The following FHIT variants were observed in gnomAD, a reference collection of about 807,000 sequenced individuals.
FHIT encodes fragile histidine triad diadenosine triphosphatase.
In FHIT, 19 loss-of-function variants were observed where a neutral mutation model predicts 17.9. The observed-to-expected ratio is 1.06, with a 90% confidence interval of 0.74 to 1.56. The LOEUF is 1.56. Among genes scored for constraint, FHIT ranks in the 40% most tolerant of loss-of-function variants. The pLI, the probability that FHIT is intolerant of heterozygous loss-of-function variation, is 0.00. For synonymous variants in FHIT, 81 were observed against 69.7 expected, an observed-to-expected ratio of 1.16 and a Z score of -0.81; for missense variants, 248 against 189.2, an observed-to-expected ratio of 1.31 and a Z score of -1.82.
rs75532590 is a variant in FHIT, at chr3:59,920,556, C to T, written c.348+1790G>A. Among the ~76,000 whole-genome samples the T allele has an allele frequency of 5.9e-3, 903 of 152,298 alleles. 5 individuals are homozygous for T. Among genetic ancestry groups the T allele is most frequent in the African/African-American group, 0.021 (861 of 41,556 alleles). On this transcript the variant is annotated intron_variant, in intron 8 of 9. Transcript: ENST00000492590. The stretch of plus-strand genomic sequence containing the variant: ...GGGCTGAAAAGTAACCATGCAGCTT[C>T]ATTTTAAGCACAGTTGGAACATCGA...
chr3:60,148,704 G>C (rs1296035164), intron 5 of FHIT, among the ~76,000 whole-genome samples: 1 of 152,100 alleles, frequency 6.6e-6, no homozygotes, highest in Non-Finnish European at 1.5e-5. Flanking sequence ...TAAGATAAAA[G>C]AATGTCTCTT....
At chr3:60,138,188 C>G (rs138955978) in intron 5 of FHIT, among the ~76,000 whole-genome samples, 1 of 152,016 alleles carries the variant, frequency 6.6e-6, no homozygotes, top group East Asian at 1.9e-4. Flanking sequence ...CTTAACATGA[C>G]GCAAAGGAAG....
At chr3:60,689,120 AG>A (rs2040928527) in intron 4 of FHIT, among the ~76,000 whole-genome samples, 1 of 152,272 alleles carries the variant, frequency 6.6e-6, no homozygotes, top group East Asian at 1.9e-4. Context: ...TAAAAACAGG[AG>A]TTTCCCTGCA....
At chr3:60,207,638 C>A (rs535607988) in intron 5 of FHIT, among the ~76,000 whole-genome samples, 1 of 152,260 alleles carries the variant, frequency 6.6e-6, no homozygotes, top group East Asian at 1.9e-4. Context: ...TATGTGACTA[C>A]CGTGACACTC....
chr3:61,102,226 T>C (rs1214700241), intron 2 of FHIT, among the ~76,000 whole-genome samples: 2 of 152,184 alleles, frequency 1.3e-5, no homozygotes, highest in African/African-American at 4.8e-5. Flanking sequence ...TGAGATACGT[T>C]CCATTAATAC....
At chr3:59,924,754 G>A (rs1007187626) in intron 7 of FHIT, among the ~76,000 whole-genome samples, 1 of 152,208 alleles carries the variant, frequency 6.6e-6, no homozygotes, top group Non-Finnish European at 1.5e-5. Context: ...TGTGAAAGCT[G>A]ATTTCTGTTG....
chr3:60,875,507 C>T (rs1553756239), intron 3 of FHIT, among the ~76,000 whole-genome samples: 1 of 152,194 alleles, frequency 6.6e-6, no homozygotes, highest in Non-Finnish European at 1.5e-5. Context: ...GCTTGTTCAG[C>T]ATGCAGGGAC....
At chr3:60,307,066 T>A (rs1708704818) in intron 5 of FHIT, among the ~76,000 whole-genome samples, 1 of 152,122 alleles carries the variant, frequency 6.6e-6, no homozygotes, top group South Asian at 2.1e-4. Context: ...GACATGACTA[T>A]CTCTTTCTTC....
chr3:60,791,806 C>T (rs1307659511), intron 4 of FHIT, among the ~76,000 whole-genome samples: 9 of 152,210 alleles, frequency 5.9e-5, no homozygotes, highest in African/African-American at 1.2e-4. Context: ...CCCCACTTTT[C>T]TAAATCTTCT....
At chr3:60,895,701 TC>T (rs1705768109) in intron 3 of FHIT, among the ~76,000 whole-genome samples, 1 of 147,956 alleles carries the variant, frequency 6.8e-6, no homozygotes, top group Non-Finnish European at 1.5e-5. Flanking sequence ...TTTCTTTCTT[TC>T]TTTCTTTCTT....
chr3:61,090,363 A>G (rs1039177221), intron 2 of FHIT, among the ~76,000 whole-genome samples: 1 of 152,198 alleles, frequency 6.6e-6, no homozygotes, highest in Non-Finnish European at 1.5e-5. Context: ...TTTTATCCAT[A>G]TTTCAACTGT....
intron 3 of FHIT, among the ~76,000 whole-genome samples, chr3:60,859,703 T>C (rs1359834542): frequency 6.7e-6 from 1 of 148,894 alleles, no homozygotes; most frequent in African/African-American, 2.5e-5. Context: ...CAGAAACATT[T>C]GCAGTGGATT....
At chr3:59,958,064 T>A (rs2107333123) in intron 7 of FHIT, among the ~76,000 whole-genome samples, 1 of 152,332 alleles carries the variant, frequency 6.6e-6, no homozygotes, top group South Asian at 2.1e-4. Context: ...AAGAGCAGGA[T>A]CTCAAATTAG....
rs1553711492 is a variant in FHIT at position 60,732,276 on chromosome 3, C to A, written c.-18+89643G>T. On this transcript the variant is annotated intron_variant, in intron 4 of 9. Coordinates refer to ENST00000492590, the MANE Select transcript of FHIT (RefSeq NM_002012.4). ...AAAGACCACATGCTTGCCATCCAACCACTGAGTCTTGGCAGGGCACATGAA... is the reference window on the plus strand; with the variant it reads ...AAAGACCACATGCTTGCCATCCAACAACTGAGTCTTGGCAGGGCACATGAA... 4 of 921,450 alleles carry A rather than the reference C, an allele frequency of 4.3e-6. No homozygotes were observed. The Admixed American group carries it at 6.8e-5, about 16-fold the overall frequency. The allele number at this position is 921,450 out of a possible 1,614,324, so 57.1% of individuals were successfully genotyped here.
chr3:60,772,314 CTATATATATATATATATATATATATATA>C (rs61056807), intron 4 of FHIT, among the ~76,000 whole-genome samples: 60,503 of 143,464 alleles, frequency 0.42, 12,980 homozygotes, highest in Non-Finnish European at 0.43. Context: ...CACTTCTCAT[CTATATATATATATATATATATATATATA>C]TATATATATA....
chr3:60,194,671 G>T lies in FHIT; in HGVS notation c.104-180519C>A, dbSNP rs62238480. ...GCCCACAGAATGGGTGAAAATATTTGCAAACTATGCATCTGACAAAGGACT... is the reference window on the plus strand; with the variant it reads ...GCCCACAGAATGGGTGAAAATATTTTCAAACTATGCATCTGACAAAGGACT... On this transcript the variant is annotated intron_variant, in intron 5 of 9. Transcript: ENST00000492590. Among the ~76,000 whole-genome samples the T allele has an allele frequency of 3.7e-3, 556 of 152,218 alleles. 1 individual carries two copies. Among genetic ancestry groups the T allele is most frequent in the Non-Finnish European group, 6.0e-3 (405 of 68,014 alleles).
chr3:59,937,465 C>T (rs1387915491), intron 7 of FHIT, among the ~76,000 whole-genome samples: 4 of 152,136 alleles, frequency 2.6e-5, no homozygotes, highest in East Asian at 1.9e-4. Flanking sequence ...ATTTAAACAT[C>T]GTCAGGAGGG....
At chr3:60,302,661 C>A (rs1369411795) in intron 5 of FHIT, among the ~76,000 whole-genome samples, 1 of 152,128 alleles carries the variant, frequency 6.6e-6, no homozygotes, top group Non-Finnish European at 1.5e-5. Context: ...GGTTGTCTTT[C>A]GTATTCCCCA....
intron 1 of FHIT, among the ~76,000 whole-genome samples, chr3:61,240,422 G>C (rs1240750289): frequency 6.6e-6 from 1 of 152,098 alleles, no homozygotes. Context: ...GGCAGCCCTG[G>C]CCCACTTCCT....
Sources: gnomAD v4.1 joint callset for allele counts (sites outside exome capture counted in the v4.1 genomes callset) on GRCh38, gnomAD v4.1.1 for gene constraint, MANE v1.5 for transcripts, NCBI Gene and HGNC (gene_info 2026-07-23, HGNC 2026-07-21) for gene names.